The following IPPK variants were observed in gnomAD, a reference collection of about 807,000 sequenced individuals.
IPPK encodes IPK1 homolog.
Under a neutral mutation model 64.6 loss-of-function variants are expected in IPPK, and 22 were observed. The ratio of observed to expected loss-of-function variants is 0.34; its 90% confidence interval spans 0.24 to 0.49. The LOEUF is 0.49. Ranked by LOEUF, IPPK falls within the 20% of genes least tolerant of loss-of-function variation. IPPK has a pLI of 0.99. For missense variants in IPPK, 532 were observed against 630.7 expected (o/e 0.84, Z 1.68); for synonymous variants, 262 against 247.2 (o/e 1.06, Z -0.56).
intron 1 of IPPK, among the ~76,000 whole-genome samples, chr9:92,659,964 G>A (rs1214263725): frequency 6.6e-6 from 1 of 152,042 alleles, no homozygotes; most frequent in Non-Finnish European, 1.5e-5. Context: ...TCAATGGCAT[G>A]CATGCTACCG....
rs180890592 is a variant in IPPK, at chr9:92,637,913, G to A, written c.916+88C>T. 5.3e-4 allele frequency: 726 copies of A among 1,375,968 alleles called. 2 individuals carry two copies. The African/African-American group carries it at 7.3e-3, about 14-fold the overall frequency. The allele number at this position is 1,375,968 out of a possible 1,614,324, so 85.2% of individuals were successfully genotyped here. On this transcript the variant is annotated intron_variant, in intron 9 of 12. Transcript: ENST00000287996. Reference sequence around the variant, plus strand: ...CATCCCCCAGAGCCCCCAGGAGGCTGTGCTGACCGCCTGGCCACCCATGGG... The same window carrying A: ...CATCCCCCAGAGCCCCCAGGAGGCTATGCTGACCGCCTGGCCACCCATGGG...
At chr9:92,668,286 A>AAAAT (rs1422237573) in intron 1 of IPPK, among the ~76,000 whole-genome samples, 1 of 152,138 alleles carries the variant, frequency 6.6e-6, no homozygotes. Context: ...TAAATAAATA[A>AAAAT]AAATAAACAA....
intron 11 of IPPK, among the ~76,000 whole-genome samples, chr9:92,621,698 T>G (rs1851636371): frequency 6.6e-6 from 1 of 151,982 alleles, no homozygotes. Context: ...ATTACTTTTA[T>G]TAGAGACGAG....
intron 3 of IPPK, among the ~76,000 whole-genome samples, chr9:92,655,324 C>T (rs1050578786): frequency 2.6e-5 from 4 of 152,206 alleles, no homozygotes; most frequent in Non-Finnish European, 5.9e-5. Context: ...TTTCCCACTG[C>T]GCCAGAGCCC....
Position 92,644,798 on chromosome 9 carries a change from T to C in IPPK, c.505-1988A>G, listed in dbSNP as rs149747000. On this transcript the variant is annotated intron_variant, in intron 6 of 12. Transcript: ENST00000287996. Reference sequence around the variant, plus strand: ...GCAATAAAAAATCCTGGAGAGGGAGTAGAATCTAATTCCAGAGGGGCCACA... The same window carrying C: ...GCAATAAAAAATCCTGGAGAGGGAGCAGAATCTAATTCCAGAGGGGCCACA... Among the ~76,000 whole-genome samples the C allele has an allele frequency of 3.7e-3, 560 of 151,536 alleles. 3 individuals carry two copies. The highest frequency in any genetic ancestry group is 9.2e-3 in the South Asian group (44 of 4,796).
intron 1 of IPPK, among the ~76,000 whole-genome samples, chr9:92,661,681 C>T (rs1852487885): frequency 6.6e-6 from 1 of 152,254 alleles, no homozygotes; most frequent in South Asian, 2.1e-4. Flanking sequence ...TCAAGGGAAA[C>T]TGCTTTCTCC....
intron 8 of IPPK, among the ~76,000 whole-genome samples, chr9:92,638,796 G>A (rs1348330445): frequency 2.0e-5 from 3 of 152,210 alleles, no homozygotes; most frequent in Non-Finnish European, 4.4e-5. Flanking sequence ...GAAGCTGCTG[G>A]CATCACCAGT....
At chr9:92,625,521 G>C (rs1342646727) in intron 11 of IPPK, among the ~76,000 whole-genome samples, 1 of 152,144 alleles carries the variant, frequency 6.6e-6, no homozygotes, top group Non-Finnish European at 1.5e-5. Context: ...GATTATGGAG[G>C]ACATCCAACA....
chr9:92,656,332 A>G (rs957920704), intron 3 of IPPK, 124 bp downstream of exon 3: 5 of 678,154 alleles, frequency 7.4e-6, no homozygotes, highest in Non-Finnish European at 1.4e-5. Flanking sequence ...AGCAAATGAG[A>G]AACACTTGGA....
At chr9:92,625,615 C>T (rs1471253000) in intron 11 of IPPK, among the ~76,000 whole-genome samples, 1 of 152,114 alleles carries the variant, frequency 6.6e-6, no homozygotes, top group Non-Finnish European at 1.5e-5. Flanking sequence ...AATCCCTAAC[C>T]CAACCCCCTC....
intron 9 of IPPK, among the ~76,000 whole-genome samples, chr9:92,637,461 G>T (rs545759238): frequency 1.3e-5 from 2 of 152,210 alleles, no homozygotes; most frequent in African/African-American, 2.4e-5. Context: ...CACGGGCAGC[G>T]TCAGCTCATG....
chr9:92,651,297 C>G (rs1300668386), intron 4 of IPPK, among the ~76,000 whole-genome samples: 1 of 152,228 alleles, frequency 6.6e-6, no homozygotes, highest in Non-Finnish European at 1.5e-5. Context: ...CCACCCTCAA[C>G]TCACGAAATT....
intron 1 of IPPK, among the ~76,000 whole-genome samples, chr9:92,665,283 A>G (rs1241790690): frequency 1.3e-5 from 2 of 152,260 alleles, no homozygotes; most frequent in African/African-American, 4.8e-5. Context: ...GCTTGGGCAC[A>G]TGTTATACAG....
Position 92,635,511 on chromosome 9 carries a change from C to T in IPPK, c.917-203G>A, listed in dbSNP as rs939649338. On this transcript the variant is annotated intron_variant, in intron 9 of 12. Transcript: ENST00000287996. The surrounding 1 kb of genome is among the most constrained non-coding windows in gnomAD (Gnocchi z 4.4). ...CAGAGCTGCTGGAGCTGCAGCGTGC[C>T]TGGACCACACTGGATGCACCAGGCC... Among the ~76,000 whole-genome samples, 3 of 152,174 alleles carry T rather than the reference C, an allele frequency of 2.0e-5. No individual in the cohort carries two copies. Among genetic ancestry groups the T allele is most frequent in the African/African-American group, 7.2e-5 (3 of 41,446 alleles).
At chr9:92,632,024 G>A (rs1564030444) in intron 11 of IPPK, among the ~76,000 whole-genome samples, 1 of 152,198 alleles carries the variant, frequency 6.6e-6, no homozygotes, top group Non-Finnish European at 1.5e-5. Flanking sequence ...CCCCCTGGAG[G>A]TCCACCTGGG....
At chr9:92,664,784 AC>A (rs917353017) in intron 1 of IPPK, among the ~76,000 whole-genome samples, 1 of 152,242 alleles carries the variant, frequency 6.6e-6, no homozygotes, top group Non-Finnish European at 1.5e-5. Context: ...CTCTGCAGAC[AC>A]AGTAATGATG....
chr9:92,665,175 G>C (rs749893898), intron 1 of IPPK, among the ~76,000 whole-genome samples: 37 of 152,312 alleles, frequency 2.4e-4, no homozygotes, highest in Admixed American at 1.8e-3. Flanking sequence ...CCCAAATGCA[G>C]AATACATCAC....
intron 11 of IPPK, 188 bp from the exon 12 acceptor site, chr9:92,619,753 C>G: frequency 3.3e-6 from 2 of 613,294 alleles, no homozygotes; most frequent in Non-Finnish European, 5.9e-6. Context: ...TGGGCCAGCC[C>G]TCAGTGCCAC....
chr9:92,660,896 T>A (rs1456815644), intron 1 of IPPK, among the ~76,000 whole-genome samples: 9 of 152,060 alleles, frequency 5.9e-5, no homozygotes, highest in African/African-American at 2.4e-5. Context: ...GAAGAAAAAA[T>A]TTTTAAAAAT....
Sources: gnomAD v4.1 joint callset for allele counts (sites outside exome capture counted in the v4.1 genomes callset) on GRCh38, gnomAD v4.1.1 for gene constraint, Gnocchi (gnomAD v3.1) non-coding constraint, MANE v1.5 for transcripts, NCBI Gene and HGNC (gene_info 2026-07-23, HGNC 2026-07-21) for gene names.